CNTN4: variants seen among roughly 807,000 people sequenced by gnomAD.
CNTN4 encodes contactin 4, also known as contactin-4.
Under a neutral mutation model 122.5 loss-of-function variants are expected in CNTN4, and 77 were observed. The observed-to-expected ratio is 0.63, with a 90% CI of 0.52 to 0.76. The LOEUF (loss-of-function observed/expected upper bound fraction) is 0.76. Among genes scored for constraint, CNTN4 ranks in the 30% least tolerant of loss-of-function variants. The pLI, the probability that CNTN4 is intolerant of heterozygous loss-of-function variation, is 0.00. For missense variants in CNTN4, 1,256 were observed against 1,259.1 expected (o/e 1.00, Z 0.04); for synonymous variants, 512 against 447.0 (o/e 1.15, Z -1.83).
At chr3:2,248,141 A>G (rs1294013005) in intron 2 of CNTN4, among the ~76,000 whole-genome samples, 2 of 151,982 alleles carry the variant, frequency 1.3e-5, no homozygotes, top group East Asian at 3.9e-4. Flanking sequence ...TTCCTGGCTC[A>G]TAATAGGTAC....
chr3:2,526,845 C>G (rs538805637), intron 3 of CNTN4, among the ~76,000 whole-genome samples: 1 of 152,080 alleles, frequency 6.6e-6, no homozygotes, highest in African/African-American at 2.4e-5. Flanking sequence ...CATAGTCTTA[C>G]AAGTTTACTG....
At chr3:2,502,525 C>T (rs2076624214) in intron 3 of CNTN4, among the ~76,000 whole-genome samples, 1 of 152,132 alleles carries the variant, frequency 6.6e-6, no homozygotes, top group African/African-American at 2.4e-5. Flanking sequence ...GTCTCTATGC[C>T]TTCCATCCAC....
In CNTN4 at chr3:3,040,277, G is replaced by A. The variant is rs371069691; in HGVS notation, c.2398+6G>A. ...GGTGTATTCTGCAGAAGAAGGTATC[G>A]TTTATGCTGCCTAGATCATTGACTG... On this transcript the variant is annotated splice_donor_region_variant and intron_variant, in intron 20 of 24. Coordinates refer to ENST00000418658, the MANE Select transcript of CNTN4 (RefSeq NM_175607.3). 29 of 1,572,336 alleles carry A rather than the reference G, an allele frequency of 1.8e-5. No homozygotes were observed. In the Middle Eastern group the frequency reaches 1.0e-3, roughly 54 times the overall value.
intron 9 of CNTN4, among the ~76,000 whole-genome samples, chr3:2,884,407 G>A (rs901185597): frequency 3.3e-5 from 5 of 152,002 alleles, no homozygotes; most frequent in Non-Finnish European, 4.4e-5. Flanking sequence ...AGCTACAGTC[G>A]TATCTTTACT....
chr3:2,998,743 A>G (rs1212520668), intron 14 of CNTN4, among the ~76,000 whole-genome samples: 2 of 152,200 alleles, frequency 1.3e-5, no homozygotes, highest in African/African-American at 4.8e-5. Context: ...AATACAGTGG[A>G]AAAGTGAGGG....
chr3:2,534,248 G>A (rs2077711023), intron 3 of CNTN4, among the ~76,000 whole-genome samples: 1 of 152,162 alleles, frequency 6.6e-6, no homozygotes, highest in South Asian at 2.1e-4. Flanking sequence ...GGTCTAACAT[G>A]TAAGTCTTCA....
chr3:2,994,768 A>C (rs1016106418), intron 14 of CNTN4, among the ~76,000 whole-genome samples: 3 of 152,134 alleles, frequency 2.0e-5, no homozygotes, highest in East Asian at 3.8e-4. Context: ...GAGTCTTTTC[A>C]GTTGGAACTT....
chr3:2,657,843 G>A (rs906803780), intron 4 of CNTN4, among the ~76,000 whole-genome samples: 4 of 151,118 alleles, frequency 2.6e-5, no homozygotes, highest in Middle Eastern at 3.4e-3. Flanking sequence ...TTTCAGTGGG[G>A]GCATATGAAA....
chr3:2,104,423 C>T (rs758213117), intron 2 of CNTN4, among the ~76,000 whole-genome samples: 8 of 152,132 alleles, frequency 5.3e-5, no homozygotes, highest in Non-Finnish European at 7.3e-5. Context: ...ACTTCTTGCT[C>T]ATGTGTGGTA....
intron 2 of CNTN4, among the ~76,000 whole-genome samples, chr3:2,204,668 A>C (rs2038257584): frequency 6.6e-6 from 1 of 151,994 alleles, no homozygotes; most frequent in Non-Finnish European, 1.5e-5. Context: ...CTCCTCTGTT[A>C]ATTTTTGTTT....
intron 3 of CNTN4, among the ~76,000 whole-genome samples, chr3:2,557,764 A>T (rs1238275778): frequency 6.6e-6 from 1 of 152,034 alleles, no homozygotes; most frequent in Non-Finnish European, 1.5e-5. Context: ...AAAAAAAAAA[A>T]AAATGCATGG....
intron 2 of CNTN4, among the ~76,000 whole-genome samples, chr3:2,175,866 A>C (rs891124997): frequency 6.6e-6 from 1 of 152,240 alleles, no homozygotes; most frequent in Non-Finnish European, 1.5e-5. Context: ...ACAGGCAAGC[A>C]GCTAGCACAG....
chr3:2,609,665 A>G (rs2081399501), intron 4 of CNTN4, among the ~76,000 whole-genome samples: 1 of 152,180 alleles, frequency 6.6e-6, no homozygotes, highest in African/African-American at 2.4e-5. Flanking sequence ...CTCTCTTTGA[A>G]CTTCTATAAA....
At position 2,736,205 on chromosome 3, in the gene CNTN4, C is replaced by A; in HGVS notation, c.56-10C>A. The A allele has an allele frequency of 6.2e-7, 1 of 1,612,638 alleles. No homozygotes were observed. The highest frequency in any genetic ancestry group is 8.5e-7 in the Non-Finnish European group (1 of 1,179,016). Reference sequence around the variant, plus strand: ...TTCTTCATTTTGGACATTTTCTCTTCTCATTTCAGATGATTCCACACTGCA... The same window carrying A: ...TTCTTCATTTTGGACATTTTCTCTTATCATTTCAGATGATTCCACACTGCA... On this transcript the variant is annotated splice_polypyrimidine_tract_variant and intron_variant, in intron 4 of 24. Transcript: ENST00000418658.
intron 2 of CNTN4, among the ~76,000 whole-genome samples, chr3:2,202,159 C>T (rs893092666): frequency 1.3e-5 from 2 of 152,078 alleles, no homozygotes; most frequent in Non-Finnish European, 2.9e-5. Context: ...CTGTTTCTAC[C>T]TCTAGCTTCA....
At chr3:2,129,003 A>G (rs887049497) in intron 2 of CNTN4, among the ~76,000 whole-genome samples, 3 of 152,190 alleles carry the variant, frequency 2.0e-5, no homozygotes, top group East Asian at 1.9e-4. Flanking sequence ...TTCATGGAAC[A>G]TGGAGGAACT....
At chr3:2,503,837 G>A (rs1162061767) in intron 3 of CNTN4, among the ~76,000 whole-genome samples, 3 of 152,010 alleles carry the variant, frequency 2.0e-5, no homozygotes, top group Non-Finnish European at 4.4e-5. Context: ...AAATCATTGA[G>A]CAAAGGAGGT....
At chr3:2,771,022 C>A (rs2091074169) in intron 6 of CNTN4, among the ~76,000 whole-genome samples, 1 of 152,180 alleles carries the variant, frequency 6.6e-6, no homozygotes. Context: ...TCTAGCATCC[C>A]TGAGTGGTCT....
chr3:2,142,591 C>T (rs1046002119), intron 2 of CNTN4, among the ~76,000 whole-genome samples: 2 of 152,172 alleles, frequency 1.3e-5, no homozygotes, highest in Non-Finnish European at 2.9e-5. Flanking sequence ...GATCTGCCCG[C>T]CTCGGCCTCC....
Sources: gnomAD v4.1 joint callset for allele counts (sites outside exome capture counted in the v4.1 genomes callset) on GRCh38, gnomAD v4.1.1 for gene constraint, MANE v1.5 for transcripts, NCBI Gene and HGNC (gene_info 2026-07-23, HGNC 2026-07-21) for gene names.